Variants in TBC1D15 observed in about 807,000 individuals in gnomAD.
TBC1D15 encodes the protein GAP for RAB7.
TBC1D15 carries 39 observed loss-of-function variants against 95.4 expected under a neutral mutation model. The ratio of observed to expected loss-of-function variants is 0.41; its 90% CI spans 0.32 to 0.53. The LOEUF is 0.53. TBC1D15 is among the 20% of genes least tolerant of loss of function. The probability of loss-of-function intolerance (pLI) is 0.29; values close to 1 mark genes in which losing one functional copy is unlikely to be tolerated. For missense variants in TBC1D15, 733 were observed against 794.3 expected (o/e 0.92, Z 0.93); for synonymous variants, 258 against 261.3 (o/e 0.99, Z 0.12).
chr12:71,859,118 C>T (rs1382634346), intron 1 of TBC1D15, among the ~76,000 whole-genome samples: 1 of 151,800 alleles, frequency 6.6e-6, no homozygotes, highest in African/African-American at 2.4e-5. Flanking sequence ...ACCTGTTAGC[C>T]ATTTGTATGT....
At position 71,921,396 on chromosome 12, in the gene TBC1D15, A is replaced by T. The variant is rs749468113; in HGVS notation, c.1745A>T (p.Asp582Val). ...KHINELSMKI[D>V]VEDILCKAEA... Reference sequence around the variant, plus strand: ...ATCAATGAATTGTCCATGAAAATTGATGTGGAAGATATACTCTGCAAGGCA... The same window carrying T: ...ATCAATGAATTGTCCATGAAAATTGTTGTGGAAGATATACTCTGCAAGGCA... Residue 582 changes from aspartate to valine, a missense_variant, in exon 16 of 17, where the codon GAT (aspartate) becomes GTT (valine). Transcript: ENST00000485960. 1 of 1,563,548 alleles carries T rather than the reference A, an allele frequency of 6.4e-7. No individual in the cohort carries two copies. The highest frequency in any genetic ancestry group is 8.7e-7 in the Non-Finnish European group (1 of 1,149,870).
At chr12:71,869,416 G>A (rs560071538) in intron 1 of TBC1D15, among the ~76,000 whole-genome samples, 2 of 152,250 alleles carry the variant, frequency 1.3e-5, no homozygotes, top group South Asian at 2.1e-4. Context: ...CCAGCTACTC[G>A]GGAGGCTGAG....
chr12:71,888,279 T>A (rs1034829092), intron 5 of TBC1D15, among the ~76,000 whole-genome samples: 1 of 151,950 alleles, frequency 6.6e-6, no homozygotes, highest in Admixed American at 6.6e-5. Flanking sequence ...AGGTCAGGAG[T>A]TCGAGACCAG....
chr12:71,899,438 A>G (rs1188376180), intron 10 of TBC1D15, among the ~76,000 whole-genome samples: 1 of 152,196 alleles, frequency 6.6e-6, no homozygotes, highest in Non-Finnish European at 1.5e-5. Flanking sequence ...CAGCTATACC[A>G]TGCTTTCTGC....
In TBC1D15 at chr12:71,884,904, G is replaced by A; in HGVS notation, c.437G>A (p.Gly146Asp). ...KSIKQNKEGMGWSYLVFCLKD... is the reference protein window; with the variant it reads ...KSIKQNKEGMDWSYLVFCLKD... ...ATCAAGCAAAACAAAGAGGGTATGG[G>A]CTGGTCCTATTTGGTATTCTGTCTA... The change falls in exon 5 of 17, where the codon GGC (glycine) becomes GAC (aspartate). Residue 146 changes from glycine (G) to aspartate (D), a missense_variant. Coordinates refer to ENST00000485960, the MANE Select transcript of TBC1D15 (RefSeq NM_001146213.3). 1 of 1,614,036 alleles carries A rather than the reference G, an allele frequency of 6.2e-7. No homozygotes were observed. Among genetic ancestry groups the A allele is most frequent in the Admixed American group, 1.7e-5 (1 of 60,020 alleles).
At chr12:71,872,254 T>C in intron 2 of TBC1D15, 86 bp downstream of exon 2, 1 of 709,544 alleles carries the variant, frequency 1.4e-6, no homozygotes, top group Non-Finnish European at 2.2e-6. Flanking sequence ...TTGAATTTCA[T>C]GTGTAAGATA....
chr12:71,884,204 G>A (rs1895773783), intron 4 of TBC1D15, among the ~76,000 whole-genome samples: 1 of 152,064 alleles, frequency 6.6e-6, no homozygotes, highest in Admixed American at 6.5e-5. Context: ...TTCACTACTA[G>A]TGTAGTGTCC....
rs762636601 is a variant in TBC1D15 at position 71,896,791 on chromosome 12, G to A, written c.1088+11G>A. ...ACAAAAGCAAAAAACGTAAGTAATG[G>A]TCTTTCGTACATTTATCAAAGAGAT... On this transcript the variant is annotated intron_variant, in intron 9 of 16. Coordinates refer to ENST00000485960, the MANE Select transcript of TBC1D15 (RefSeq NM_001146213.3). 1 of 1,597,992 alleles carries A rather than the reference G, an allele frequency of 6.3e-7. No homozygotes were observed. Among genetic ancestry groups the A allele is most frequent in the Admixed American group, 1.7e-5 (1 of 59,356 alleles).
rs544982230 is a variant in TBC1D15 at position 71,872,855 on chromosome 12, G to A, written c.130-74G>A. ...ATTTAAGAGGCTGAAATTTTATTTT[G>A]GGTTCAGGGAATAAAATAATTAAGA... On this transcript the variant is annotated intron_variant, in intron 2 of 16. Coordinates refer to ENST00000485960, the MANE Select transcript of TBC1D15 (RefSeq NM_001146213.3). 396 of 1,042,984 alleles carry A rather than the reference G, an allele frequency of 3.8e-4. 4 individuals carry two copies. Among genetic ancestry groups the A allele is most frequent in the South Asian group, 3.0e-3 (185 of 61,462 alleles). 64.6% of individuals were successfully genotyped at this position (1,042,984 alleles called of 1,614,324 possible). A position where few individuals can be genotyped will look rare whatever the true frequency, so the allele number is the denominator to read the frequency against.
intron 10 of TBC1D15, among the ~76,000 whole-genome samples, chr12:71,902,232 A>C (rs543396878): frequency 2.0e-5 from 3 of 152,214 alleles, no homozygotes; most frequent in African/African-American, 7.2e-5. Flanking sequence ...ATTAGAAAAA[A>C]ATTCATATGC....
chr12:71,891,737 A>T (rs1897238954), intron 5 of TBC1D15, among the ~76,000 whole-genome samples: 1 of 152,126 alleles, frequency 6.6e-6, no homozygotes, highest in African/African-American at 2.4e-5. Context: ...ATTTCTTTTT[A>T]AAAAATATTT....
chr12:71,911,366 A>G (rs1263897842), intron 11 of TBC1D15, among the ~76,000 whole-genome samples: 2 of 152,188 alleles, frequency 1.3e-5, no homozygotes, highest in East Asian at 1.9e-4. Context: ...AAGACTTGGA[A>G]CCAATCCAAA....
intron 10 of TBC1D15, among the ~76,000 whole-genome samples, chr12:71,898,298 C>A (rs1898627248): frequency 6.6e-6 from 1 of 151,518 alleles, no homozygotes; most frequent in Non-Finnish European, 1.5e-5. Flanking sequence ...TGTAGATGAG[C>A]AAAAAGAGGT....
intron 1 of TBC1D15, chr12:71,850,115 TC>T: frequency 3.8e-6 from 2 of 525,088 alleles, no homozygotes; most frequent in Non-Finnish European, 7.3e-6. Context: ...TCTGGAGTTA[TC>T]TCAGCTTTCA....
intron 5 of TBC1D15, among the ~76,000 whole-genome samples, chr12:71,888,890 G>A (rs1351091523): frequency 2.4e-5 from 3 of 123,026 alleles, no homozygotes; most frequent in Non-Finnish European, 5.1e-5. Context: ...TTTTTTGAAT[G>A]CCTACTGTGT....
At chr12:71,843,261 G>A (rs1885519062) in intron 1 of TBC1D15, among the ~76,000 whole-genome samples, 2 of 152,012 alleles carry the variant, frequency 1.3e-5, no homozygotes, top group Non-Finnish European at 2.9e-5. Flanking sequence ...GGCATACTGT[G>A]TTTCAAAAAA....
intron 1 of TBC1D15, among the ~76,000 whole-genome samples, chr12:71,842,908 C>G (rs1350371782): frequency 1.3e-5 from 2 of 151,572 alleles, no homozygotes; most frequent in African/African-American, 4.8e-5. Context: ...ATTAATAGCT[C>G]TTTTGTTTCA....
At chr12:71,910,724 A>T (rs1902033715) in intron 11 of TBC1D15, among the ~76,000 whole-genome samples, 1 of 152,170 alleles carries the variant, frequency 6.6e-6, no homozygotes, top group Admixed American at 6.5e-5. Flanking sequence ...CAAGGACTTC[A>T]TGTCTAAAAC....
chr12:71,891,433 C>T (rs1000739480), intron 5 of TBC1D15, among the ~76,000 whole-genome samples: 2 of 152,154 alleles, frequency 1.3e-5, no homozygotes, highest in Admixed American at 1.3e-4. Flanking sequence ...ATAATGTTAG[C>T]ATGAGAGATC....
Sources: allele counts gnomAD v4.1 joint callset (sites outside exome capture counted in the v4.1 genomes callset), GRCh38; gene constraint gnomAD v4.1.1; transcripts MANE v1.5; gene names NCBI Gene and HGNC (gene_info 2026-07-23, HGNC 2026-07-21).